The following MACROD1 variants were observed in gnomAD, a reference collection of about 807,000 sequenced individuals.
MACROD1 encodes the protein ADP-ribose glycohydrolase MACROD1.
Under a neutral mutation model 41.4 loss-of-function variants are expected in MACROD1, and 31 were observed. The observed-to-expected ratio is 0.75, with a 90% CI of 0.56 to 1.01. The LOEUF (loss-of-function observed/expected upper bound fraction) is 1.01, where lower values mean the gene tolerates loss of function less well. Among genes scored for constraint, MACROD1 ranks in the 50% least tolerant of loss-of-function variants. The pLI is 0.00. For synonymous variants in MACROD1, 252 were observed against 203.4 expected (o/e 1.24, Z -2.03); for missense variants, 473 against 460.0 (o/e 1.03, Z -0.26).
At chr11:64,131,781 G>T (rs1211132587) in intron 3 of MACROD1, among the ~76,000 whole-genome samples, 1 of 152,240 alleles carries the variant, frequency 6.6e-6, no homozygotes, top group Non-Finnish European at 1.5e-5. Flanking sequence ...GGGACCGAGA[G>T]CCCCCTGCCC....
intron 3 of MACROD1, chr11:64,117,009 C>T: frequency 1.2e-6 from 2 of 1,612,576 alleles, no homozygotes; most frequent in Non-Finnish European, 1.7e-6. Flanking sequence ...CAGCCGCCTA[C>T]AGAACCTCAC....
At chr11:63,999,129 G>T in intron 8 of MACROD1, 93 bp from the exon 9 acceptor site, 1 of 1,366,676 alleles carries the variant, frequency 7.3e-7, no homozygotes. Context: ...TCACCTGCCT[G>T]GCCCTGCGCC....
intron 3 of MACROD1, among the ~76,000 whole-genome samples, chr11:64,074,116 A>G (rs963393525): frequency 6.6e-6 from 1 of 152,208 alleles, no homozygotes; most frequent in Non-Finnish European, 1.5e-5. Flanking sequence ...CCTCTCAAAG[A>G]AAGAGTCATC....
At chr11:64,114,303 G>A (rs1424545340) in intron 3 of MACROD1, among the ~76,000 whole-genome samples, 1 of 150,216 alleles carries the variant, frequency 6.7e-6, no homozygotes. Context: ...TGCATGGATT[G>A]ATACATGGAT....
intron 3 of MACROD1, among the ~76,000 whole-genome samples, chr11:64,137,098 C>T (rs954686183): frequency 1.3e-5 from 2 of 152,170 alleles, no homozygotes; most frequent in South Asian, 2.1e-4. Context: ...TTTTAAACTC[C>T]GATATTAAGG....
At chr11:64,070,803 G>A (rs992662023) in intron 3 of MACROD1, among the ~76,000 whole-genome samples, 1 of 152,222 alleles carries the variant, frequency 6.6e-6, no homozygotes, top group Non-Finnish European at 1.5e-5. Flanking sequence ...GGGAGACGAG[G>A]CGTGAACAAT....
intron 4 of MACROD1, chr11:64,001,489 C>T (rs1590788118): frequency 1.4e-6 from 1 of 702,448 alleles, no homozygotes; most frequent in Middle Eastern, 2.3e-4. Flanking sequence ...TCCTTCATCA[C>T]CTCAGTCTCG....
intron 3 of MACROD1, among the ~76,000 whole-genome samples, chr11:64,077,954 G>A (rs918619449): frequency 1.3e-5 from 2 of 152,180 alleles, no homozygotes; most frequent in Non-Finnish European, 2.9e-5. Flanking sequence ...TGATGGGCCC[G>A]TGCTCAGCCT....
At chr11:64,075,242 C>T (rs1023288956) in intron 3 of MACROD1, among the ~76,000 whole-genome samples, 3 of 152,252 alleles carry the variant, frequency 2.0e-5, no homozygotes, top group Non-Finnish European at 2.9e-5. Flanking sequence ...TCAGGGACTC[C>T]TGGACCATGT....
At chr11:64,115,133 C>T (rs1174143550) in intron 3 of MACROD1, among the ~76,000 whole-genome samples, 3 of 152,140 alleles carry the variant, frequency 2.0e-5, no homozygotes, top group African/African-American at 7.2e-5. Context: ...CTCCGTGAAC[C>T]CAGTGTTTTA....
chr11:64,056,294 T>C (rs1157037647), intron 3 of MACROD1, among the ~76,000 whole-genome samples: 3 of 152,058 alleles, frequency 2.0e-5, no homozygotes, highest in Non-Finnish European at 4.4e-5. Flanking sequence ...GGGTCCCTGC[T>C]GCAGCCCCTA....
chr11:64,054,617 G>A (rs1337903397), intron 3 of MACROD1, among the ~76,000 whole-genome samples: 2 of 152,106 alleles, frequency 1.3e-5, no homozygotes, highest in African/African-American at 4.8e-5. Context: ...CTGGGCCTCC[G>A]TTTCCTCATC....
At chr11:64,032,778 G>A (rs1358288804) in intron 3 of MACROD1, among the ~76,000 whole-genome samples, 2 of 152,130 alleles carry the variant, frequency 1.3e-5, no homozygotes, top group Admixed American at 1.3e-4. Context: ...TGACTGAACA[G>A]TGATCTTTCT....
Position 64,146,412 on chromosome 11 carries a change from A to G in MACROD1, c.517+4827T>C, listed in dbSNP as rs1330758440. On this transcript the variant is annotated intron_variant, in intron 3 of 10. Transcript: ENST00000255681. The surrounding 1 kb of genome is among the most constrained non-coding windows in gnomAD (Gnocchi z 4.7). ...CTTATCTCCTGCACATGGCAGCCCA[A>G]TTTCATTAAGACGGATGCGCCATGC... is the stretch of plus-strand genomic sequence containing the variant. Among the ~76,000 whole-genome samples the G allele has an allele frequency of 6.6e-6, 1 of 152,074 alleles. No homozygotes were observed. Among genetic ancestry groups the G allele is most frequent in the African/African-American group, 2.4e-5 (1 of 41,398 alleles).
Position 63,999,968 on chromosome 11 carries a change from G to T in MACROD1, c.665-205C>A, listed in dbSNP as rs1942791778. On this transcript the variant is annotated intron_variant, in intron 5 of 10. Transcript: ENST00000255681. ...AGCCCCGCGCCCCCTCCCCACATCTGTATGGGCCCGGCTGAGACCCGAGCG... is the reference window on the plus strand; with the variant it reads ...AGCCCCGCGCCCCCTCCCCACATCTTTATGGGCCCGGCTGAGACCCGAGCG... 5.9e-6 allele frequency: 4 copies of T among 677,538 alleles called. No homozygotes were observed. The African/African-American group carries it at 7.3e-5, about 12-fold the overall frequency. The allele number at this position is 677,538 out of a possible 1,614,324, so 42.0% of individuals were successfully genotyped here. A position where few individuals can be genotyped will look rare whatever the true frequency, so the allele number is the denominator to read the frequency against.
At chr11:64,103,591 A>AG (rs1403585870) in intron 3 of MACROD1, 1 of 151,884 alleles carries the variant, frequency 6.6e-6, no homozygotes, top group African/African-American at 2.4e-5. Context: ...GAATTAAAAA[A>AG]AAAAAAAGCC....
At chr11:64,131,641 T>A (rs1254855270) in intron 3 of MACROD1, among the ~76,000 whole-genome samples, 1 of 152,170 alleles carries the variant, frequency 6.6e-6, no homozygotes, top group Non-Finnish European at 1.5e-5. Context: ...GGATGTTTTC[T>A]GAAGGCAGCA....
At position 64,064,523 on chromosome 11, in the gene MACROD1, C is replaced by T. The variant is rs1449388760; in HGVS notation, c.518-49242G>A. Reference sequence around the variant, plus strand: ...GGCACGCAGGCAGGGTGCATATGTACGTATGTGCCTGGCATGGTCCTTGCC... The same window carrying T: ...GGCACGCAGGCAGGGTGCATATGTATGTATGTGCCTGGCATGGTCCTTGCC... On this transcript the variant is annotated intron_variant, in intron 3 of 10. Transcript: ENST00000255681. The surrounding 1 kb of genome is among the most constrained non-coding windows in gnomAD (Gnocchi z 4.5). 1.3e-5 allele frequency among the ~76,000 whole-genome samples: 2 copies of T among 152,104 alleles called. No individual in the cohort carries two copies. Among genetic ancestry groups the T allele is most frequent in the South Asian group, 2.1e-4 (1 of 4,810 alleles).
intron 3 of MACROD1, among the ~76,000 whole-genome samples, chr11:64,053,511 T>C (rs1332228187): frequency 2.0e-5 from 3 of 151,604 alleles, no homozygotes; most frequent in Admixed American, 2.0e-4. Context: ...CAGGCCTGGG[T>C]TGGGGAGGCA....
Sources: gnomAD v4.1 joint callset for allele counts (sites outside exome capture counted in the v4.1 genomes callset) on GRCh38, gnomAD v4.1.1 for gene constraint, Gnocchi (gnomAD v3.1) non-coding constraint, MANE v1.5 for transcripts, NCBI Gene and HGNC (gene_info 2026-07-23, HGNC 2026-07-21) for gene names.